Variants in PLSCR5 observed in about 807,000 individuals in gnomAD.
The protein encoded by PLSCR5 is phospholipid scramblase family member 5, also known as phospholipid scramblase family, member 5.
Under a neutral mutation model 33.6 loss-of-function variants are expected in PLSCR5, and 44 were observed. The observed-to-expected ratio is 1.31, with a 90% CI of 1.03 to 1.69. The LOEUF (loss-of-function observed/expected upper bound fraction) is 1.69, where lower values mean the gene tolerates loss of function less well. PLSCR5 is among the 40% of genes most tolerant of loss of function. PLSCR5 has a pLI of 0.00. For synonymous variants in PLSCR5, 148 were observed against 112.3 expected, an observed-to-expected ratio of 1.32 and a Z score of -2.01; for missense variants, 375 against 318.7, an observed-to-expected ratio of 1.18 and a Z score of -1.34.
chr3:146,579,938 C>T (rs983180191), intron 7 of PLSCR5, among the ~76,000 whole-genome samples: 1 of 152,146 alleles, frequency 6.6e-6, no homozygotes, highest in Admixed American at 6.6e-5. Context: ...TTCTTCTGTG[C>T]CTTTGTTTGT....
rs1296493980 is a variant in PLSCR5 at position 146,580,559 on chromosome 3, G to C, written c.*45-3834C>G. Among the ~76,000 whole-genome samples the C allele has an allele frequency of 2.0e-5, 3 of 148,292 alleles. No homozygotes were observed. In the East Asian group the frequency reaches 6.0e-4, roughly 30 times the overall value. On this transcript the variant is annotated intron_variant, in intron 7 of 7. Transcript: ENST00000482567. ...GGCTCACTGCAATCTCGGCCTCCCG[G>C]GTTCAAGCAATTCTTCTACCTCAGC...
At chr3:146,583,047 GC>G (rs1239666672), downstream of PLSCR5, among the ~76,000 whole-genome samples, 1 of 151,844 alleles carries the variant, frequency 6.6e-6, no homozygotes, top group African/African-American at 2.4e-5. Flanking sequence ...CCCCCTGCTT[GC>G]CAAATGATTC....
chr3:146,589,815 C>T lies in PLSCR5; in HGVS notation c.616-1G>A, dbSNP rs778304512. Reference sequence around the variant, plus strand: ...TAAGCTTTTCATTAATGGTTTTCACCTTTAGAAAGAAAATAAGGAGTATTA... The same window carrying T: ...TAAGCTTTTCATTAATGGTTTTCACTTTTAGAAAGAAAATAAGGAGTATTA... On this transcript the variant is annotated splice_acceptor_variant, in intron 5 of 7. Transcript: ENST00000443512. LOFTEE classifies it high-confidence loss of function. 1.3e-6 allele frequency: 2 copies of T among 1,513,868 alleles called. No individual in the cohort carries two copies. The highest frequency in any genetic ancestry group is 1.8e-6 in the Non-Finnish European group (2 of 1,111,642). The allele number at this position is 1,513,868 out of a possible 1,614,324, so 93.8% of individuals were successfully genotyped here. A position where few individuals can be genotyped will look rare whatever the true frequency, so the allele number is the denominator to read the frequency against.
At chr3:146,578,269 A>G (rs1293458645) in intron 7 of PLSCR5, among the ~76,000 whole-genome samples, 2 of 152,224 alleles carry the variant, frequency 1.3e-5, no homozygotes, top group Non-Finnish European at 2.9e-5. Flanking sequence ...AGGCTTACAC[A>G]TTGGCTACTT....
intron 1 of PLSCR5, among the ~76,000 whole-genome samples, chr3:146,601,984 T>A (rs1202605931): frequency 6.6e-6 from 1 of 152,176 alleles, no homozygotes; most frequent in African/African-American, 2.4e-5. Context: ...ATTATTAGTG[T>A]AGGGCCATTA....
Position 146,594,748 on chromosome 3 carries a change from C to T in PLSCR5, c.232+293G>A, listed in dbSNP as rs2044743913. The stretch of plus-strand genomic sequence containing the variant: ...ATTATTAGGAAAGTTAAATGATTAG[C>T]ATCCACGGAAATGATCAAATACCTT... On this transcript the variant is annotated intron_variant, in intron 3 of 7. Transcript: ENST00000443512. Among the ~76,000 whole-genome samples the T allele has an allele frequency of 2.6e-5, 4 of 152,220 alleles. No homozygotes were observed. The South Asian group carries it at 6.2e-4, about 24-fold the overall frequency.
At position 146,600,273 on chromosome 3, in the gene PLSCR5, G is replaced by T; in HGVS notation, c.189+15C>A. The T allele has an allele frequency of 6.5e-7, 1 of 1,527,298 alleles. No homozygotes were observed. The highest frequency in any genetic ancestry group is 8.8e-7 in the Non-Finnish European group (1 of 1,131,700). The allele number at this position is 1,527,298 out of a possible 1,614,324, so 94.6% of individuals were successfully genotyped here. A position where few individuals can be genotyped will look rare whatever the true frequency, so the allele number is the denominator to read the frequency against. On this transcript the variant is annotated intron_variant, in intron 2 of 7. Coordinates refer to ENST00000443512, the MANE Select transcript of PLSCR5 (RefSeq NM_001085420.2). ...AGGGTAGAACATATCTGTAGTAATA[G>T]AAAGATAAAAACACCTGGCTTAAAT...
Position 146,591,779 on chromosome 3 carries a change from T to C in PLSCR5, c.556A>G (p.Ile186Val). Reference sequence around the variant, plus strand: ...ACACAAGGACCAACAATTTTCAAAATATCTTCTTTGTTTGCATTTTGGATT... The same window carrying C: ...ACACAAGGACCAACAATTTTCAAAACATCTTCTTTGTTTGCATTTTGGATT... The part of the protein sequence containing the change: ...FTIQNANKED[I>V]LKIVGPCVTC... The change falls in exon 5 of 8, where the codon ATT (isoleucine) becomes GTT (valine). Residue 186 changes from isoleucine to valine, a missense_variant. Physicochemically the swap from Ile to Val is conservative, Grantham distance 29. Transcript: ENST00000443512. 6.2e-7 allele frequency: 1 copy of C among 1,612,228 alleles called. No homozygotes were observed. The highest frequency in any genetic ancestry group is 1.1e-5 in the South Asian group (1 of 90,794).
chr3:146,578,748 G>A (rs533941030), intron 7 of PLSCR5, among the ~76,000 whole-genome samples: 7 of 151,940 alleles, frequency 4.6e-5, no homozygotes, highest in East Asian at 1.9e-4. Context: ...TAGTCTTATC[G>A]TGTTTTAATT....
At position 146,586,002 on chromosome 3, in the gene PLSCR5, A is replaced by T. The variant is rs1317755693; in HGVS notation, c.*44+28T>A. The T allele has an allele frequency of 2.2e-6, 3 of 1,384,930 alleles. No homozygotes were observed. In the East Asian group the frequency reaches 8.6e-5, roughly 40 times the overall value. 85.8% of individuals were successfully genotyped at this position (1,384,930 alleles called of 1,614,324 possible). A position where few individuals can be genotyped will look rare whatever the true frequency, so the allele number is the denominator to read the frequency against. On this transcript the variant is annotated intron_variant, in intron 7 of 7. Transcript: ENST00000443512. ...AATATAGACATCTTCAAAGGGAAAG[A>T]GATCATTTAAACTTGCTTTTTACTT...
rs143163323 is a variant in PLSCR5, at chr3:146,595,580, C to T, written c.190-497G>A. On this transcript the variant is annotated intron_variant, in intron 2 of 7. Coordinates refer to ENST00000443512, the MANE Select transcript of PLSCR5 (RefSeq NM_001085420.2). Reference sequence around the variant, plus strand: ...GTGCACAGTACACTCCAGCCTAGTCCCCAGAGGGGAGACTCTGTCTCAATT... The same window carrying T: ...GTGCACAGTACACTCCAGCCTAGTCTCCAGAGGGGAGACTCTGTCTCAATT... Among the ~76,000 whole-genome samples the T allele has an allele frequency of 5.6e-3, 849 of 151,884 alleles. 11 individuals carry two copies. Among genetic ancestry groups the T allele is most frequent in the African/African-American group, 0.02 (812 of 41,436 alleles).
chr3:146,590,127 C>G (rs949930056), intron 5 of PLSCR5: 9 of 180,460 alleles, frequency 5.0e-5, no homozygotes, highest in Non-Finnish European at 1.0e-4. Context: ...GTACATAGTT[C>G]AATTGTATCA....
chr3:146,597,437 A>C (rs1225299964), intron 2 of PLSCR5, among the ~76,000 whole-genome samples: 1 of 152,174 alleles, frequency 6.6e-6, no homozygotes, highest in Non-Finnish European at 1.5e-5. Flanking sequence ...TACGGACATC[A>C]CTACGCTAAA....
intron 2 of PLSCR5, among the ~76,000 whole-genome samples, chr3:146,598,864 C>T (rs1004213185): frequency 9.2e-5 from 14 of 152,186 alleles, no homozygotes. Context: ...CATTTGTCTG[C>T]CAGTGGGTTT....
At chr3:146,583,348 T>A (rs1201988443), downstream of PLSCR5, among the ~76,000 whole-genome samples, 4 of 152,198 alleles carry the variant, frequency 2.6e-5, no homozygotes, top group Non-Finnish European at 5.9e-5. Flanking sequence ...GAGAGTTGTG[T>A]GAATCTGGTC....
chr3:146,588,756 T>C (rs2044685706), intron 6 of PLSCR5, among the ~76,000 whole-genome samples: 1 of 152,068 alleles, frequency 6.6e-6, no homozygotes, highest in African/African-American at 2.4e-5. Context: ...TGCCTGACTT[T>C]GACAATAGTA....
At chr3:146,580,509 G>C (rs1306665584) in intron 7 of PLSCR5, among the ~76,000 whole-genome samples, 1 of 131,146 alleles carries the variant, frequency 7.6e-6, no homozygotes, top group Non-Finnish European at 1.5e-5. Flanking sequence ...CTGTCGCCCA[G>C]GCTGGAGTGC....
rs140592727 is a variant in PLSCR5, at chr3:146,577,350, G to A, written c.*45-625C>T. Among the ~76,000 whole-genome samples, 158 of 152,160 alleles carry A rather than the reference G, an allele frequency of 1.0e-3. 1 individual carries two copies. Among genetic ancestry groups the A allele is most frequent in the African/African-American group, 3.7e-3 (154 of 41,528 alleles). On this transcript the variant is annotated intron_variant, in intron 7 of 7. Transcript: ENST00000482567. ...GGACTTGACTCCATGGATGTGTCTT[G>A]GTTTGGCCTATACATTTCCTCTGAA...
downstream of PLSCR5, among the ~76,000 whole-genome samples, chr3:146,584,069 C>T (rs1196111596): frequency 6.6e-6 from 1 of 152,122 alleles, no homozygotes; most frequent in Non-Finnish European, 1.5e-5. Context: ...GGCAGTCATC[C>T]TCATACTGAC....
Sources: gnomAD v4.1 joint callset for allele counts (sites outside exome capture counted in the v4.1 genomes callset) on GRCh38, gnomAD v4.1.1 for gene constraint, MANE v1.5 for transcripts, NCBI Gene and HGNC (gene_info 2026-07-23, HGNC 2026-07-21) for gene names.